The following NR2F1-AS1 variants were observed in gnomAD, a reference collection of about 807,000 sequenced individuals.
NR2F1-AS1 encodes the protein NR2F1 regulatory antisense RNA 1, also known as NR2F1 antisense RNA 1.
chr5:93,457,363 T>C (rs992282586), intron 4 of NR2F1-AS1, among the ~76,000 whole-genome samples: 1 of 152,190 alleles, frequency 6.6e-6, no homozygotes, highest in African/African-American at 2.4e-5. Context: ...CAAGCATTTG[T>C]TTAACAAAGC....
At chr5:93,544,420 G>A (rs576899461) in intron 4 of NR2F1-AS1, among the ~76,000 whole-genome samples, 37 of 152,138 alleles carry the variant, frequency 2.4e-4, no homozygotes, top group Non-Finnish European at 3.7e-4. Flanking sequence ...ATATGGGTTG[G>A]CACATTATAT....
intron 4 of NR2F1-AS1, among the ~76,000 whole-genome samples, chr5:93,472,400 ATAG>A (rs1317329711): frequency 4.6e-5 from 7 of 151,984 alleles, no homozygotes; most frequent in Admixed American, 3.9e-4. Context: ...GTGCCAGGAA[ATAG>A]TAGGTGTGCA....
At chr5:93,583,736 A>G (rs1753171562), upstream of NR2F1-AS1, 1 of 152,140 alleles carries the variant, frequency 6.6e-6, no homozygotes, top group African/African-American at 2.4e-5. Flanking sequence ...CAGAAGAAGG[A>G]GCAAGAAAGA....
At chr5:93,473,503 A>T (rs1440048036) in intron 4 of NR2F1-AS1, among the ~76,000 whole-genome samples, 1 of 151,656 alleles carries the variant, frequency 6.6e-6, no homozygotes, top group Non-Finnish European at 1.5e-5. Flanking sequence ...TTCCCCACAC[A>T]CTTTTTCCTA....
chr5:93,482,653 G>T (rs764634484), intron 4 of NR2F1-AS1, among the ~76,000 whole-genome samples: 1 of 152,150 alleles, frequency 6.6e-6, no homozygotes, highest in Non-Finnish European at 1.5e-5. Flanking sequence ...AAGTGGTCTA[G>T]CTCAGCAGAC....
chr5:93,525,212 A>G (rs1751586617), intron 4 of NR2F1-AS1, among the ~76,000 whole-genome samples: 1 of 152,238 alleles, frequency 6.6e-6, no homozygotes, highest in African/African-American at 2.4e-5. Flanking sequence ...TTACAATCCT[A>G]GTCTCTGATA....
At chr5:93,482,945 G>C (rs1750633209) in intron 4 of NR2F1-AS1, among the ~76,000 whole-genome samples, 1 of 152,198 alleles carries the variant, frequency 6.6e-6, no homozygotes, top group Non-Finnish European at 1.5e-5. Context: ...AAAGGCAGCA[G>C]ACCCAATCAG....
At chr5:93,573,670 A>G (rs1752829200) in intron 1 of NR2F1-AS1, among the ~76,000 whole-genome samples, 1 of 152,244 alleles carries the variant, frequency 6.6e-6, no homozygotes, top group African/African-American at 2.4e-5. Context: ...GTGCGCGACT[A>G]AAGAGGGGAC....
intron 4 of NR2F1-AS1, among the ~76,000 whole-genome samples, chr5:93,440,787 T>G (rs547449764): frequency 1.3e-5 from 2 of 152,356 alleles, no homozygotes; most frequent in South Asian, 4.1e-4. Context: ...GTCCTAGGTT[T>G]GCAGTTTCAG....
At chr5:93,582,771 A>AGT (rs10645176), upstream of NR2F1-AS1, among the ~76,000 whole-genome samples, 149,181 of 150,490 alleles carry the variant, frequency 0.99, 73,940 homozygotes, top group East Asian at 1. Flanking sequence ...TGTGAGCGTA[A>AGT]GTGTGTGTGT....
intron 4 of NR2F1-AS1, among the ~76,000 whole-genome samples, chr5:93,445,106 C>A (rs1056398997): frequency 6.6e-6 from 1 of 152,098 alleles, no homozygotes; most frequent in Non-Finnish European, 1.5e-5. Flanking sequence ...CAGGAAAGAT[C>A]TAAAATTGAC....
chr5:93,467,066 A>G (rs1410372079), intron 4 of NR2F1-AS1, among the ~76,000 whole-genome samples: 1 of 151,902 alleles, frequency 6.6e-6, no homozygotes, highest in Admixed American at 6.6e-5. Context: ...ATGCCTGGAT[A>G]ATTTTCTGTA....
chr5:93,570,032 T>A (rs574659518), intron 1 of NR2F1-AS1: 77 of 152,346 alleles, frequency 5.1e-4, no homozygotes, highest in African/African-American at 1.8e-3. Context: ...AGCGGGCTGA[T>A]GGCGCGGGAC....
At chr5:93,569,953 C>T (rs1752707560) in intron 1 of NR2F1-AS1, 1 of 152,226 alleles carries the variant, frequency 6.6e-6, no homozygotes, top group South Asian at 2.1e-4. Context: ...AAGCAGTCCT[C>T]CCAACAGATT....
At chr5:93,452,319 A>G (rs1387883301) in intron 4 of NR2F1-AS1, among the ~76,000 whole-genome samples, 2 of 152,216 alleles carry the variant, frequency 1.3e-5, no homozygotes, top group East Asian at 3.9e-4. Flanking sequence ...AATATATGAA[A>G]CAATAGTTTT....
chr5:93,457,052 CCAGA>C (rs1749964410), intron 4 of NR2F1-AS1, among the ~76,000 whole-genome samples: 1 of 152,152 alleles, frequency 6.6e-6, no homozygotes, highest in African/African-American at 2.4e-5. Flanking sequence ...GGTTTTACAC[CCAGA>C]CATTCTATTG....
At chr5:93,451,801 A>T (rs1383543181) in intron 4 of NR2F1-AS1, among the ~76,000 whole-genome samples, 3 of 152,210 alleles carry the variant, frequency 2.0e-5, no homozygotes, top group Non-Finnish European at 4.4e-5. Flanking sequence ...TATGTTCAGT[A>T]AATAAAAAGT....
At chr5:93,411,789 G>T (rs1171486162) in intron 4 of NR2F1-AS1, among the ~76,000 whole-genome samples, 1 of 152,116 alleles carries the variant, frequency 6.6e-6, no homozygotes, top group Non-Finnish European at 1.5e-5. Context: ...ACCAGGTAAG[G>T]ATTCTGCATT....
intron 4 of NR2F1-AS1, among the ~76,000 whole-genome samples, chr5:93,516,902 T>C (rs930861045): frequency 6.6e-6 from 1 of 151,958 alleles, no homozygotes; most frequent in African/African-American, 2.4e-5. Context: ...CACCATGCAA[T>C]GCACTAGTCA....
Sources: gnomAD v4.1 joint callset for allele counts (sites outside exome capture counted in the v4.1 genomes callset) on GRCh38, gnomAD v4.1.1 for gene constraint, MANE v1.5 for transcripts, NCBI Gene and HGNC (gene_info 2026-07-23, HGNC 2026-07-21) for gene names.